The following FHIT variants were observed in gnomAD, a reference collection of about 807,000 sequenced individuals.
FHIT encodes the protein bis(5'-adenosyl)-triphosphatase.
A neutral mutation model predicts 17.9 loss-of-function variants in FHIT; 19 were observed. The ratio of observed to expected loss-of-function variants is 1.06; its 90% CI spans 0.74 to 1.56. The LOEUF (loss-of-function observed/expected upper bound fraction) is 1.56. Ranked by LOEUF, FHIT falls within the 40% of genes most tolerant of loss-of-function variation. The pLI is 0.00. For missense variants in FHIT, 248 were observed against 189.2 expected, an observed-to-expected ratio of 1.31 and a Z score of -1.82; for synonymous variants, 81 against 69.7, an observed-to-expected ratio of 1.16 and a Z score of -0.81.
chr3:60,617,820 A>G (rs566754987), intron 4 of FHIT: 1 of 151,502 alleles, frequency 6.6e-6, no homozygotes, highest in African/African-American at 2.4e-5. Flanking sequence ...TTGGTGCAAA[A>G]GTAACTATGG....
chr3:59,891,462 G>A (rs1703853225), intron 8 of FHIT, among the ~76,000 whole-genome samples: 1 of 152,230 alleles, frequency 6.6e-6, no homozygotes, highest in African/African-American at 2.4e-5. Flanking sequence ...GAGAAGGACT[G>A]AGGCTGCAAA....
chr3:60,368,799 T>C (rs1395970180), intron 5 of FHIT, among the ~76,000 whole-genome samples: 2 of 152,162 alleles, frequency 1.3e-5, no homozygotes, highest in Admixed American at 1.3e-4. Context: ...TCTACAGTTT[T>C]TGCATTTATA....
At position 60,878,664 on chromosome 3, in the gene FHIT, G is replaced by A. The variant is rs555141842; in HGVS notation, c.-110-56653C>T. On this transcript the variant is annotated intron_variant, in intron 3 of 9. Transcript: ENST00000492590. The stretch of plus-strand genomic sequence containing the variant: ...CTGCCCCCACCCCACAACAGGCCCC[G>A]GTGTGTGATGTTCCCCTTCCTGTGT... 1.8e-3 allele frequency among the ~76,000 whole-genome samples: 277 copies of A among 150,252 alleles called. 4 individuals carry two copies. Among genetic ancestry groups the A allele is most frequent in the African/African-American group, 5.7e-3 (233 of 40,736 alleles).
intron 5 of FHIT, among the ~76,000 whole-genome samples, chr3:60,359,533 C>A (rs371023492): frequency 5.9e-5 from 9 of 152,182 alleles, no homozygotes; most frequent in East Asian, 5.8e-4. Context: ...CCCGCCTTGG[C>A]CGCCCAAAGT....
intron 3 of FHIT, among the ~76,000 whole-genome samples, chr3:61,005,432 CTGGTGA>C (rs113083968): frequency 1.5e-3 from 234 of 151,938 alleles, no homozygotes; most frequent in African/African-American, 4.0e-3. Flanking sequence ...GGTGATGGTA[CTGGTGA>C]TGGTGATGGT....
chr3:60,313,360 T>A (rs371541277), intron 5 of FHIT, among the ~76,000 whole-genome samples: 2 of 152,328 alleles, frequency 1.3e-5, no homozygotes, highest in East Asian at 1.9e-4. Context: ...ACCGCATTTA[T>A]ATTGTCTACA....
At chr3:60,273,274 G>C (rs1474222600) in intron 5 of FHIT, among the ~76,000 whole-genome samples, 1 of 152,122 alleles carries the variant, frequency 6.6e-6, no homozygotes, top group African/African-American at 2.4e-5. Flanking sequence ...TTCTCTTCTA[G>C]AGGAAATTTT....
intron 5 of FHIT, among the ~76,000 whole-genome samples, chr3:60,420,421 A>G (rs574240442): frequency 6.6e-6 from 1 of 152,282 alleles, no homozygotes; most frequent in Non-Finnish European, 1.5e-5. Context: ...ATTTTTATCT[A>G]TACAGAATAA....
intron 5 of FHIT, among the ~76,000 whole-genome samples, chr3:60,312,824 C>G (rs1394468673): frequency 6.6e-6 from 1 of 152,116 alleles, no homozygotes; most frequent in Non-Finnish European, 1.5e-5. Context: ...ATAGGAACAA[C>G]TAATTCTTGA....
intron 5 of FHIT, among the ~76,000 whole-genome samples, chr3:60,339,873 T>C (rs555554234): frequency 6.0e-4 from 92 of 152,278 alleles, no homozygotes; most frequent in African/African-American, 2.0e-3. Context: ...TCCTGAACCA[T>C]TGCAGACTTT....
rs942631782 is a variant in FHIT at position 59,747,412 on chromosome 3, A to C, written c.*2173T>G. 1.3e-5 allele frequency among the ~76,000 whole-genome samples: 2 copies of C among 152,076 alleles called. No homozygotes were observed. The highest frequency in any genetic ancestry group is 2.9e-5 in the Non-Finnish European group (2 of 67,988). ...TGTCCTTTATAAAACCATCACTATC[A>C]ATCATGAGAACAGCATGGGAAAGAC... On this transcript the variant is annotated 3_prime_UTR_variant, in exon 10 of 10. Coordinates refer to ENST00000492590, the MANE Select transcript of FHIT (RefSeq NM_002012.4).
At chr3:60,912,799 T>C (rs972173218) in intron 3 of FHIT, 3 of 513,526 alleles carry the variant, frequency 5.8e-6, no homozygotes, top group Non-Finnish European at 1.2e-5. Context: ...GTCTTACCAT[T>C]TCTCTAAAAA....
intron 5 of FHIT, among the ~76,000 whole-genome samples, chr3:60,295,435 G>A (rs997412671): frequency 6.6e-6 from 1 of 152,082 alleles, no homozygotes; most frequent in African/African-American, 2.4e-5. Context: ...AGCATGTAGA[G>A]ATCACATACA....
At chr3:60,121,709 A>AACAAAACAAAAACACACACACACAC (rs1705261038) in intron 5 of FHIT, among the ~76,000 whole-genome samples, 1 of 116,336 alleles carries the variant, frequency 8.6e-6, no homozygotes, top group African/African-American at 3.4e-5. Context: ...AAACAAAACA[A>AACAAAACAAAAACACACACACACAC]ACACACACAC....
intron 5 of FHIT, among the ~76,000 whole-genome samples, chr3:60,335,502 T>TGATTCAAACATACA (rs1559830269): frequency 6.6e-6 from 1 of 152,150 alleles, no homozygotes; most frequent in African/African-American, 2.4e-5. Context: ...TCAAACACTA[T>TGATTCAAACATACA]GATTCAAACA....
At chr3:59,776,351 C>T (rs369646891) in intron 8 of FHIT, among the ~76,000 whole-genome samples, 1 of 152,208 alleles carries the variant, frequency 6.6e-6, no homozygotes, top group African/African-American at 2.4e-5. Flanking sequence ...AAGTGCTCAC[C>T]ATCACACTCT....
chr3:60,405,388 T>C (rs1052656660), intron 5 of FHIT, among the ~76,000 whole-genome samples: 2 of 152,194 alleles, frequency 1.3e-5, no homozygotes, highest in African/African-American at 4.8e-5. Flanking sequence ...CAGACCCAGA[T>C]ACATGGGGGA....
At chr3:60,027,231 A>AT (rs1270423533) in intron 5 of FHIT, among the ~76,000 whole-genome samples, 1 of 148,466 alleles carries the variant, frequency 6.7e-6, no homozygotes, top group Non-Finnish European at 1.5e-5. Context: ...TTCATTTTGT[A>AT]TATAACTGAA....
At chr3:60,529,825 A>G (rs2035707005) in intron 5 of FHIT, among the ~76,000 whole-genome samples, 1 of 152,224 alleles carries the variant, frequency 6.6e-6, no homozygotes, top group Non-Finnish European at 1.5e-5. Context: ...CTAGATACAT[A>G]TAATTATCAT....
Sources: allele counts gnomAD v4.1 joint callset (sites outside exome capture counted in the v4.1 genomes callset), GRCh38; gene constraint gnomAD v4.1.1; transcripts MANE v1.5; gene names NCBI Gene and HGNC (gene_info 2026-07-23, HGNC 2026-07-21).